The following STXBP4 variants were observed in gnomAD, a reference collection of about 807,000 sequenced individuals.
STXBP4 encodes syntaxin binding protein 4, also known as syntaxin-binding protein 4.
In STXBP4, 55 loss-of-function variants were observed where a neutral mutation model predicts 76.1. The observed-to-expected ratio is 0.72, with a 90% CI of 0.58 to 0.91. The LOEUF (loss-of-function observed/expected upper bound fraction) is 0.91. STXBP4 is among the 40% of genes least tolerant of loss of function. The pLI, the probability that STXBP4 is intolerant of heterozygous loss-of-function variation, is 0.00. For missense variants in STXBP4, 618 were observed against 636.9 expected (o/e 0.97, Z 0.32); for synonymous variants, 201 against 220.2 (o/e 0.91, Z 0.77).
chr17:55,025,164 T>A (rs9891616), intron 8 of STXBP4, among the ~76,000 whole-genome samples: 9,654 of 151,730 alleles, frequency 0.064, 947 homozygotes, highest in African/African-American at 0.22. Flanking sequence ...TAATTTAATT[T>A]AAAAAAAAGT....
intron 16 of STXBP4, among the ~76,000 whole-genome samples, chr17:55,112,383 C>T (rs1476639677): frequency 6.6e-6 from 1 of 152,194 alleles, no homozygotes; most frequent in Non-Finnish European, 1.5e-5. Context: ...ACTTGTCTTA[C>T]TGCTATAGCC....
chr17:55,110,824 A>T (rs1273836542), intron 16 of STXBP4, among the ~76,000 whole-genome samples: 5 of 152,342 alleles, frequency 3.3e-5, no homozygotes, highest in Middle Eastern at 3.4e-3. Context: ...TAATATTTTT[A>T]AAAGTAATGG....
chr17:55,082,737 A>G (rs946531042), intron 16 of STXBP4, among the ~76,000 whole-genome samples: 6 of 152,242 alleles, frequency 3.9e-5, no homozygotes, highest in Non-Finnish European at 5.9e-5. Context: ...ATCCTTATTT[A>G]AAATATGAAC....
chr17:55,014,057 C>G (rs1249147302), intron 8 of STXBP4, among the ~76,000 whole-genome samples: 1 of 152,180 alleles, frequency 6.6e-6, no homozygotes, highest in Non-Finnish European at 1.5e-5. Context: ...CACTGGGTTT[C>G]TGTGCTCCTA....
At chr17:55,126,453 G>C (rs1479690806) in intron 16 of STXBP4, among the ~76,000 whole-genome samples, 1 of 152,160 alleles carries the variant, frequency 6.6e-6, no homozygotes, top group African/African-American at 2.4e-5. Flanking sequence ...CAGAACAGTT[G>C]GCTGCCTCTT....
intron 17 of STXBP4, among the ~76,000 whole-genome samples, chr17:55,152,967 A>G (rs962529182): frequency 3.3e-5 from 5 of 152,112 alleles, no homozygotes; most frequent in African/African-American, 1.2e-4. Flanking sequence ...CTCCCTATAT[A>G]TTGTTACTGA....
chr17:55,114,283 C>T (rs2079757023), intron 16 of STXBP4, among the ~76,000 whole-genome samples: 1 of 151,978 alleles, frequency 6.6e-6, no homozygotes, highest in Admixed American at 6.6e-5. Context: ...ACTGAGGAAC[C>T]CAATTGAGAA....
Position 54,999,675 on chromosome 17 carries a change from G to A in STXBP4, c.331G>A (p.Asp111Asn), listed in dbSNP as rs201842648. Residue 111 changes from aspartate to asparagine, a missense_variant, in exon 6 of 18, where the codon GAC becomes AAC. Transcript: ENST00000376352. ...WEIAFIRQKS[D>N]NIQPENLSCT... ...GATAGCATTCATAAGACAAAAATCC[G>A]ACAACATTCAGCCAGAAAATCTGTC... The A allele has an allele frequency of 1.5e-5, 25 of 1,613,506 alleles. No individual in the cohort carries two copies. The highest frequency in any genetic ancestry group is 1.6e-4 in the Middle Eastern group (1 of 6,080).
At chr17:55,016,812 GA>G (rs2078216250) in intron 8 of STXBP4, among the ~76,000 whole-genome samples, 1 of 152,224 alleles carries the variant, frequency 6.6e-6, no homozygotes, top group Non-Finnish European at 1.5e-5. Context: ...CATACTTTAA[GA>G]TTTTTGAGTT....
At chr17:55,078,941 A>G (rs2079223135) in intron 15 of STXBP4, among the ~76,000 whole-genome samples, 1 of 152,200 alleles carries the variant, frequency 6.6e-6, no homozygotes, top group South Asian at 2.1e-4. Context: ...TATTTAGTCA[A>G]TCATTGTAAC....
intron 1 of STXBP4, among the ~76,000 whole-genome samples, chr17:54,980,444 GA>G (rs1352527934): frequency 6.6e-6 from 1 of 152,170 alleles, no homozygotes; most frequent in Admixed American, 6.5e-5. Context: ...ACAAAGCAAG[GA>G]AAGAATGAAA....
intron 10 of STXBP4, among the ~76,000 whole-genome samples, chr17:55,042,678 T>C (rs34990508): frequency 6.6e-6 from 1 of 152,138 alleles, no homozygotes; most frequent in Non-Finnish European, 1.5e-5. Flanking sequence ...TTTTTTGTTA[T>C]TGTTATTCAC....
At chr17:55,113,179 T>C (rs2145062674) in intron 16 of STXBP4, among the ~76,000 whole-genome samples, 1 of 149,502 alleles carries the variant, frequency 6.7e-6, no homozygotes, top group Admixed American at 6.7e-5. Flanking sequence ...TATTGTATAT[T>C]GAAAATTTGC....
intron 15 of STXBP4, among the ~76,000 whole-genome samples, chr17:55,078,975 A>C (rs184537644): frequency 1.3e-5 from 2 of 152,312 alleles, no homozygotes; most frequent in Admixed American, 1.3e-4. Context: ...ATTATGGTAG[A>C]AACCACCTAT....
intron 1 of STXBP4, among the ~76,000 whole-genome samples, chr17:54,971,482 C>T (rs1280902832): frequency 5.9e-5 from 9 of 152,162 alleles, no homozygotes; most frequent in Admixed American, 5.9e-4. Flanking sequence ...CTTATAAGGA[C>T]ACCAATCCCA....
At chr17:55,116,963 G>A (rs1170388673) in intron 16 of STXBP4, among the ~76,000 whole-genome samples, 11 of 151,804 alleles carry the variant, frequency 7.2e-5, no homozygotes, top group Admixed American at 6.6e-4. Flanking sequence ...CAAGTACATA[G>A]TGCTATAATA....
At chr17:55,104,433 G>T (rs868038360) in intron 16 of STXBP4, among the ~76,000 whole-genome samples, 8 of 152,120 alleles carry the variant, frequency 5.3e-5, no homozygotes, top group Admixed American at 3.9e-4. Context: ...TACATTTATT[G>T]ATTTGTGTAT....
rs1343884580 is a variant in STXBP4, at chr17:55,164,998, A to C, written c.*5087A>C. 2.6e-5 allele frequency: 4 copies of C among 152,334 alleles called. No homozygotes were observed. Among genetic ancestry groups the C allele is most frequent in the African/African-American group, 9.6e-5 (4 of 41,564 alleles). The allele number at this position is 152,334 out of a possible 1,614,324, so 9.4% of individuals were successfully genotyped here. A position where few individuals can be genotyped will look rare whatever the true frequency, so the allele number is the denominator to read the frequency against. ...AATTCGTATTCTATGCAAAGGATATACGATTGAAATTAACCAAAACTTTTT... is the reference window on the plus strand; with the variant it reads ...AATTCGTATTCTATGCAAAGGATATCCGATTGAAATTAACCAAAACTTTTT... On this transcript the variant is annotated 3_prime_UTR_variant, in exon 18 of 18. Transcript: ENST00000376352.
chr17:55,212,010 G>A, the STXBP4 span, among the ~76,000 whole-genome samples: 4 of 150,464 alleles, frequency 2.7e-5, no homozygotes, highest in Non-Finnish European at 5.9e-5. Context: ...AGTAGAGACC[G>A]GGATTCATCA....
Sources: gnomAD v4.1 joint callset for allele counts (sites outside exome capture counted in the v4.1 genomes callset) on GRCh38, gnomAD v4.1.1 for gene constraint, MANE v1.5 for transcripts, NCBI Gene and HGNC (gene_info 2026-07-23, HGNC 2026-07-21) for gene names.